KLHL23: variants seen among roughly 807,000 people sequenced by gnomAD.
KLHL23 encodes the protein kelch like family member 23, also known as kelch-like protein 23.
Under a neutral mutation model 48.9 loss-of-function variants are expected in KLHL23, and 33 were observed. The ratio of observed to expected loss-of-function variants is 0.67; its 90% CI spans 0.51 to 0.90. The LOEUF is 0.90. Among genes scored for constraint, KLHL23 ranks in the 40% least tolerant of loss-of-function variants. The pLI, the probability that KLHL23 is intolerant of heterozygous loss-of-function variation, is 0.00. For synonymous variants in KLHL23, 234 were observed against 231.6 expected (o/e 1.01, Z -0.09); for missense variants, 608 against 669.6 (o/e 0.91, Z 1.02).
At position 169,749,552 on chromosome 2, in the gene KLHL23, G is replaced by A. The variant is rs755171600; in HGVS notation, c.1497G>A (p.Met499Ile). ...TAGCTCCCATGATGGAAAGGAGGATGGAGTGCGGTGCCGTCATCATGAATG... is the reference window on the plus strand; with the variant it reads ...TAGCTCCCATGATGGAAAGGAGGATAGAGTGCGGTGCCGTCATCATGAATG... ...REIAPMMERR[M>I]ECGAVIMNGC... Residue 499 changes from methionine to isoleucine, a missense_variant, in exon 4 of 4, where the codon ATG becomes ATA. Coordinates refer to ENST00000392647, the MANE Select transcript of KLHL23 (RefSeq NM_144711.6). 6 of 1,614,124 alleles carry A rather than the reference G, an allele frequency of 3.7e-6. No homozygotes were observed. Among genetic ancestry groups the A allele is most frequent in the Non-Finnish European group, 5.1e-6 (6 of 1,180,030 alleles).
intron 3 of KLHL23, among the ~76,000 whole-genome samples, chr2:169,742,565 A>G (rs947932809): frequency 6.6e-6 from 1 of 152,210 alleles, no homozygotes; most frequent in Non-Finnish European, 1.5e-5. Context: ...TCTCTCCTTC[A>G]GGGAGCAGAC....
rs1558952035 is a variant in KLHL23 at position 169,749,930 on chromosome 2, TACACACACACATATATGTGTTC to T, written c.*200_*221del. On this transcript the variant is annotated 3_prime_UTR_variant, in exon 4 of 4. Transcript: ENST00000392647. ...GAAAAATCTTATATATATATATATA[TACACACACACATATATGTGTTC>T]ATATATATGTATACATATATATGTG... 66 of 86,206 alleles carry T rather than the reference TACACACACACATATATGTGTTC, an allele frequency of 7.7e-4. 1 individual carries two copies. Among genetic ancestry groups the T allele is most frequent in the Non-Finnish European group, 8.2e-4 (38 of 46,080 alleles). The allele number at this position is 86,206 out of a possible 1,614,324, so 5.3% of individuals were successfully genotyped here. A position where few individuals can be genotyped will look rare whatever the true frequency, so the allele number is the denominator to read the frequency against.
In KLHL23 at chr2:169,740,766, T is replaced by TTTTTTATATA. The variant is rs1553477016; in HGVS notation, c.1214-618_1214-617insTTTTATATAT. ...CCCGGCCTCTATAAGCTTTTTTATATTATATATATATATATATATATATAT... is the reference window on the plus strand; with the variant it reads ...CCCGGCCTCTATAAGCTTTTTTATATTTTTTATATATATATATATATATATATATATATAT... On this transcript the variant is annotated intron_variant, in intron 2 of 3. Transcript: ENST00000392647. Among the ~76,000 whole-genome samples, 4 of 125,516 alleles carry TTTTTTATATA rather than the reference T, an allele frequency of 3.2e-5. No homozygotes were observed. In the South Asian group the frequency reaches 7.6e-4, roughly 24 times the overall value. 82.3% of individuals were successfully genotyped at this position (125,516 alleles called of 152,430 possible).
intron 2 of KLHL23, among the ~76,000 whole-genome samples, chr2:169,738,477 G>A (rs1012703995): frequency 6.6e-6 from 1 of 151,998 alleles, no homozygotes; most frequent in South Asian, 2.1e-4. Context: ...TTATTTTGTA[G>A]CCTTGAAGTG....
chr2:169,735,599 G>A lies in KLHL23; in HGVS notation c.585G>A (p.Trp195Ter). The stretch of plus-strand genomic sequence containing the variant: ...TGTCCAGAAAGAATCTCAGTGTTTG[G>A]AAAGAAGAAGCTATCATAGAGCCAG... ...FILSRKNLSV[W>*]KEEAIIEPVI... Residue 195 changes from tryptophan to a stop codon, truncating the protein, a stop_gained, in exon 2 of 4, where the codon TGG becomes TGA. Transcript: ENST00000392647. LOFTEE classifies it high-confidence loss of function. This position sits in a 1 kb window ranked among gnomAD's most constrained non-coding sequence, Gnocchi z 4.5. 6.2e-7 allele frequency: 1 copy of A among 1,613,894 alleles called. No homozygotes were observed. The highest frequency in any genetic ancestry group is 8.5e-7 in the Non-Finnish European group (1 of 1,180,014).
chr2:169,746,520 C>T (rs1688796602), intron 3 of KLHL23, among the ~76,000 whole-genome samples: 1 of 152,166 alleles, frequency 6.6e-6, no homozygotes, highest in South Asian at 2.1e-4. Context: ...CTGTGTGCAT[C>T]CTACATGCTG....
At chr2:169,737,623 T>C (rs1688550415) in intron 2 of KLHL23, among the ~76,000 whole-genome samples, 1 of 150,340 alleles carries the variant, frequency 6.7e-6, no homozygotes, top group African/African-American at 2.4e-5. Flanking sequence ...CTTTTTCTTT[T>C]TTTTTTTTTG....
In KLHL23 at chr2:169,750,162, A is replaced by G. The variant is rs1047993108; in HGVS notation, c.*430A>G. The G allele has an allele frequency of 6.6e-6, 1 of 152,256 alleles. No homozygotes were observed. Among genetic ancestry groups the G allele is most frequent in the Non-Finnish European group, 1.5e-5 (1 of 67,876 alleles). The allele number at this position is 152,256 out of a possible 1,614,324, so 9.4% of individuals were successfully genotyped here. A position where few individuals can be genotyped will look rare whatever the true frequency, so the allele number is the denominator to read the frequency against. ...CGTATATATGTGTATATATATACAC[A>G]GTTGAATCAGTGGGATTAATACCTA... On this transcript the variant is annotated 3_prime_UTR_variant, in exon 4 of 4. Coordinates refer to ENST00000392647, the MANE Select transcript of KLHL23 (RefSeq NM_144711.6).
At chr2:169,734,949 G>A (rs1688474813) in intron 1 of KLHL23, 64 bp from the exon 2 acceptor site, 1 of 1,496,448 alleles carries the variant, frequency 6.7e-7, no homozygotes, top group Admixed American at 2.4e-5. Context: ...AAGTTATTTA[G>A]CGTTGATTAT....
intron 3 of KLHL23, among the ~76,000 whole-genome samples, chr2:169,748,497 CG>C (rs1558950873): frequency 6.6e-6 from 1 of 152,042 alleles, no homozygotes; most frequent in African/African-American, 2.4e-5. Flanking sequence ...ACGATAAAAG[CG>C]GGTGTGTGGA....
chr2:169,746,018 G>A (rs937303452), intron 3 of KLHL23, among the ~76,000 whole-genome samples: 1 of 152,126 alleles, frequency 6.6e-6, no homozygotes, highest in African/African-American at 2.4e-5. Flanking sequence ...GCCTTGGTAG[G>A]GTGGGACCAG....
Position 169,751,561 on chromosome 2 carries a change from T to C in KLHL23, c.*1829T>C, listed in dbSNP as rs944549603. The C allele has an allele frequency of 1.3e-5, 2 of 152,206 alleles. No individual in the cohort carries two copies. The highest frequency in any genetic ancestry group is 4.8e-5 in the African/African-American group (2 of 41,448). 9.4% of individuals were successfully genotyped at this position (152,206 alleles called of 1,614,324 possible). ...TGAAGACATTTATGTCTGCATTCTT[T>C]ATAATAACAAAAATTGGGGAAAAAA... On this transcript the variant is annotated 3_prime_UTR_variant, in exon 4 of 4. Coordinates refer to ENST00000392647, the MANE Select transcript of KLHL23 (RefSeq NM_144711.6).
At position 169,741,374 on chromosome 2, in the gene KLHL23, T is replaced by C; in HGVS notation, c.1214-11T>C. 1 of 1,591,288 alleles carries C rather than the reference T, an allele frequency of 6.3e-7. No homozygotes were observed. The highest frequency in any genetic ancestry group is 1.1e-5 in the South Asian group (1 of 89,122). On this transcript the variant is annotated splice_polypyrimidine_tract_variant and intron_variant, in intron 2 of 3. Transcript: ENST00000392647. ...GATCAATCTAAAGATGTGATTTTAA[T>C]TAATACGTAGGTGTGGGAAATGCTA...
rs763833328 is a variant in KLHL23, at chr2:169,741,453, A to C, written c.1282A>C (p.Arg428=). 6.2e-7 allele frequency: 1 copy of C among 1,614,072 alleles called. No individual in the cohort carries two copies. The highest frequency in any genetic ancestry group is 1.1e-5 in the South Asian group (1 of 91,084). ...CGTCATTGGTGGCCACTGTGGCTACAGAGGAAGCTGCACCTATGACAAAGT... is the reference window on the plus strand; with the variant it reads ...CGTCATTGGTGGCCACTGTGGCTACCGAGGAAGCTGCACCTATGACAAAGT... The part of the protein sequence containing the change: ...IYVIGGHCGY[R]GSCTYDKVQS... Residue 428 remains arginine, a synonymous_variant, in exon 3 of 4, where the codon AGA becomes CGA. Coordinates refer to ENST00000392647, the MANE Select transcript of KLHL23 (RefSeq NM_144711.6).
Position 169,749,714 on chromosome 2 carries a change from T to G in KLHL23, c.1659T>G (p.Val553=), listed in dbSNP as rs1165778032. ...LPSAMRSHGC[V]CVYNV ...GTGCCATGCGGTCTCATGGGTGTGT[T>G]TGTGTGTATAATGTCTAATTGAATC... Residue 553 remains valine (V), a synonymous_variant, in exon 4 of 4, where the codon GTT becomes GTG. Coordinates refer to ENST00000392647, the MANE Select transcript of KLHL23 (RefSeq NM_144711.6). 6.2e-7 allele frequency: 1 copy of G among 1,605,718 alleles called. No homozygotes were observed. The highest frequency in any genetic ancestry group is 8.5e-7 in the Non-Finnish European group (1 of 1,173,352).
chr2:169,741,151 A>G (rs927991203), intron 2 of KLHL23: 1 of 370,406 alleles, frequency 2.7e-6, no homozygotes, highest in African/African-American at 2.0e-5. Flanking sequence ...ACTCCATTAT[A>G]ATTTTATGGA....
chr2:169,738,298 G>A (rs900198357), intron 2 of KLHL23, among the ~76,000 whole-genome samples: 4 of 151,254 alleles, frequency 2.6e-5, no homozygotes, highest in African/African-American at 9.7e-5. Context: ...AATGGCGGGG[G>A]GTCTCACTAT....
At chr2:169,744,425 A>G (rs954544733) in intron 3 of KLHL23, among the ~76,000 whole-genome samples, 1 of 152,192 alleles carries the variant, frequency 6.6e-6, no homozygotes, top group Admixed American at 6.5e-5. Context: ...GGAAGGTGGA[A>G]AGGAAAGTTT....
At chr2:169,734,951 G>A (rs896848749) in intron 1 of KLHL23, 62 bp from the exon 2 acceptor site, 9 of 1,495,026 alleles carry the variant, frequency 6.0e-6, no homozygotes, top group African/African-American at 2.8e-5. Context: ...GTTATTTAGC[G>A]TTGATTATTT....
Sources: allele counts gnomAD v4.1 joint callset (sites outside exome capture counted in the v4.1 genomes callset), GRCh38; gene constraint gnomAD v4.1.1; non-coding constraint Gnocchi (gnomAD v3.1); transcripts MANE v1.5; gene names NCBI Gene and HGNC (gene_info 2026-07-23, HGNC 2026-07-21).